The following KCNJ6 variants were observed in gnomAD, a reference collection of about 807,000 sequenced individuals.
KCNJ6 encodes the protein potassium inwardly rectifying channel subfamily J member 6.
In KCNJ6, 9 loss-of-function variants were observed where a neutral mutation model predicts 34.2. The ratio of observed to expected loss-of-function variants is 0.26; its 90% confidence interval spans 0.16 to 0.46. The LOEUF is 0.46. Among genes scored for constraint, KCNJ6 ranks in the 20% least tolerant of loss-of-function variants. The pLI is 1.00. For missense variants in KCNJ6, 236 were observed against 531.3 expected, an observed-to-expected ratio of 0.44 and a Z score of 5.46; for synonymous variants, 196 against 207.1, an observed-to-expected ratio of 0.95 and a Z score of 0.46.
At chr21:37,678,285 G>A (rs1168513147) in intron 3 of KCNJ6, among the ~76,000 whole-genome samples, 1 of 152,208 alleles carries the variant, frequency 6.6e-6, no homozygotes, top group Non-Finnish European at 1.5e-5. Flanking sequence ...GGTCAGGTAA[G>A]GTAGCATTGT....
intron 2 of KCNJ6, among the ~76,000 whole-genome samples, chr21:37,836,309 G>A (rs2123573465): frequency 6.6e-6 from 1 of 152,284 alleles, no homozygotes; most frequent in East Asian, 1.9e-4. Flanking sequence ...AATTAGTTCA[G>A]CCATAGTGGA....
At position 37,623,710 on chromosome 21, in the gene KCNJ6, C is replaced by T. The variant is rs1436100996; in HGVS notation, c.*1449G>A. 6.6e-6 allele frequency: 1 copy of T among 152,008 alleles called. No homozygotes were observed. Among genetic ancestry groups the T allele is most frequent in the Non-Finnish European group, 1.5e-5 (1 of 68,026 alleles). 9.4% of individuals were successfully genotyped at this position (152,008 alleles called of 1,614,324 possible). A position where few individuals can be genotyped will look rare whatever the true frequency, so the allele number is the denominator to read the frequency against. Reference sequence around the variant, plus strand: ...TATTTGTTTTCTTTTGATTGACAGACACTGGATTTGATTTCTAGCCTGTGG... The same window carrying T: ...TATTTGTTTTCTTTTGATTGACAGATACTGGATTTGATTTCTAGCCTGTGG... On this transcript the variant is annotated 3_prime_UTR_variant, in exon 4 of 4. Coordinates refer to ENST00000609713, the MANE Select transcript of KCNJ6 (RefSeq NM_002240.5).
intron 3 of KCNJ6, among the ~76,000 whole-genome samples, chr21:37,629,148 G>A (rs890731150): frequency 1.3e-5 from 2 of 152,096 alleles, no homozygotes; most frequent in Admixed American, 1.3e-4. Flanking sequence ...TCCACATGAA[G>A]AAATAAAGAA....
intron 2 of KCNJ6, among the ~76,000 whole-genome samples, chr21:37,721,852 A>T (rs1234091822): frequency 6.6e-6 from 1 of 152,088 alleles, no homozygotes; most frequent in African/African-American, 2.4e-5. Flanking sequence ...AGGATGGGTT[A>T]GCCCAAGGTA....
At chr21:37,810,235 C>G (rs2055315885) in intron 2 of KCNJ6, among the ~76,000 whole-genome samples, 1 of 152,156 alleles carries the variant, frequency 6.6e-6, no homozygotes, top group African/African-American at 2.4e-5. Flanking sequence ...TATATTGTGT[C>G]CATATCACCC....
chr21:37,667,243 G>T (rs529457818), intron 3 of KCNJ6, among the ~76,000 whole-genome samples: 8 of 144,958 alleles, frequency 5.5e-5, no homozygotes, highest in South Asian at 2.2e-4. Flanking sequence ...AACAAGGGCC[G>T]ATGAGTGTGA....
chr21:37,854,174 C>G (rs1394910883), intron 1 of KCNJ6, among the ~76,000 whole-genome samples: 1 of 151,446 alleles, frequency 6.6e-6, no homozygotes, highest in Non-Finnish European at 1.5e-5. Context: ...ACTCCAACTA[C>G]ATATCATTAA....
chr21:37,894,018 A>C (rs544614321), intron 1 of KCNJ6, among the ~76,000 whole-genome samples: 1 of 152,208 alleles, frequency 6.6e-6, no homozygotes, highest in African/African-American at 2.4e-5. Context: ...ATTATGGTAT[A>C]ATCAAAACCC....
chr21:37,625,843 G>C (rs1461949641), intron 3 of KCNJ6, among the ~76,000 whole-genome samples: 1 of 152,236 alleles, frequency 6.6e-6, no homozygotes, highest in African/African-American at 2.4e-5. Flanking sequence ...CCATGACTCT[G>C]GCCTCCTACT....
At position 37,616,353 on chromosome 21, in the gene KCNJ6, TG is replaced by T. The variant is rs1000143698; in HGVS notation, c.*8805del. The stretch of plus-strand genomic sequence containing the variant: ...TTCACTGTTGTCTCTGTGTGGCTCT[TG>T]GTTAAGACGAGGAAGCACTGGGCTG... On this transcript the variant is annotated 3_prime_UTR_variant, in exon 4 of 4. Coordinates refer to ENST00000609713, the MANE Select transcript of KCNJ6 (RefSeq NM_002240.5). 3.3e-5 allele frequency: 5 copies of T among 151,788 alleles called. No homozygotes were observed. The highest frequency in any genetic ancestry group is 1.2e-4 in the African/African-American group (5 of 41,284). The allele number at this position is 151,788 out of a possible 1,614,324, so 9.4% of individuals were successfully genotyped here.
At position 37,607,921 on chromosome 21, in the gene KCNJ6, C is replaced by T. The variant is rs1040076959; in HGVS notation, c.*17238G>A. On this transcript the variant is annotated 3_prime_UTR_variant, in exon 4 of 4. Transcript: ENST00000609713. ...ACTCTTGTTTTGTGATTTTGCTGGA[C>T]ACATGATGGTTTACAACTACATGCT... The T allele has an allele frequency of 1.3e-5, 2 of 152,162 alleles. No individual in the cohort carries two copies. Among genetic ancestry groups the T allele is most frequent in the Non-Finnish European group, 2.9e-5 (2 of 68,036 alleles). 9.4% of individuals were successfully genotyped at this position (152,162 alleles called of 1,614,324 possible).
At chr21:37,652,223 A>G (rs2054437053) in intron 3 of KCNJ6, among the ~76,000 whole-genome samples, 1 of 152,220 alleles carries the variant, frequency 6.6e-6, no homozygotes, top group Non-Finnish European at 1.5e-5. Context: ...GGTTCCAGAA[A>G]GAAACAGTGG....
chr21:37,641,972 G>A (rs1383797783), intron 3 of KCNJ6, among the ~76,000 whole-genome samples: 1 of 152,336 alleles, frequency 6.6e-6, no homozygotes, highest in East Asian at 1.9e-4. Context: ...GAGCCGAGAA[G>A]GACACCCAGG....
At chr21:37,654,319 C>T (rs1408292446) in intron 3 of KCNJ6, among the ~76,000 whole-genome samples, 2 of 151,888 alleles carry the variant, frequency 1.3e-5, no homozygotes, top group East Asian at 3.8e-4. Context: ...CCTCAGTAGA[C>T]TCAACAAATG....
chr21:37,631,859 C>T (rs2054335092), intron 3 of KCNJ6, among the ~76,000 whole-genome samples: 1 of 152,212 alleles, frequency 6.6e-6, no homozygotes, highest in Admixed American at 6.5e-5. Flanking sequence ...TCCTCAGCTG[C>T]TCTGCAGTGC....
chr21:37,911,098 A>G (rs1429660101), intron 1 of KCNJ6, among the ~76,000 whole-genome samples: 1 of 152,228 alleles, frequency 6.6e-6, no homozygotes, highest in African/African-American at 2.4e-5. Context: ...TGTTATTAAA[A>G]TGATAGCAAG....
At chr21:37,759,131 A>C (rs956411086) in intron 2 of KCNJ6, among the ~76,000 whole-genome samples, 6 of 152,150 alleles carry the variant, frequency 3.9e-5, no homozygotes, top group African/African-American at 1.4e-4. Context: ...GGAGGAGATC[A>C]GCTCGCAGTT....
intron 2 of KCNJ6, among the ~76,000 whole-genome samples, chr21:37,793,238 A>G (rs150541724): frequency 4.1e-4 from 62 of 152,316 alleles, no homozygotes; most frequent in African/African-American, 1.4e-3. Context: ...TTGTCAGACA[A>G]AGCAGGTTAT....
At position 37,607,738 on chromosome 21, in the gene KCNJ6, T is replaced by G. The variant is rs2054229336; in HGVS notation, c.*17421A>C. 6.6e-6 allele frequency: 1 copy of G among 152,134 alleles called. No homozygotes were observed. 9.4% of individuals were successfully genotyped at this position (152,134 alleles called of 1,614,324 possible). On this transcript the variant is annotated 3_prime_UTR_variant, in exon 4 of 4. Transcript: ENST00000609713. ...CAGAAGCAAATCTTAGTGACTTTAT[T>G]CCAAAGAAATCTTAGAAGCCTTGGT...
Sources: gnomAD v4.1 joint callset for allele counts (sites outside exome capture counted in the v4.1 genomes callset) on GRCh38, gnomAD v4.1.1 for gene constraint, MANE v1.5 for transcripts, NCBI Gene and HGNC (gene_info 2026-07-23, HGNC 2026-07-21) for gene names.